Variants in PREX1 observed in about 807,000 individuals in gnomAD.
PREX1 encodes the protein phosphatidylinositol 3,4,5-trisphosphate-dependent Rac exchanger 1 protein.
In PREX1, 41 loss-of-function variants were observed where a neutral mutation model predicts 198.3. That is an observed-to-expected ratio of 0.21 (90% CI 0.16 to 0.27). PREX1 has a LOEUF of 0.27. Among genes scored for constraint, PREX1 ranks in the 10% least tolerant of loss-of-function variants. PREX1 has a pLI of 1.00. For synonymous variants in PREX1, 843 were observed against 887.2 expected (o/e 0.95, Z 0.89); for missense variants, 1,620 against 2,200.7 (o/e 0.74, Z 5.28).
intron 1 of PREX1, among the ~76,000 whole-genome samples, chr20:48,790,347 T>A (rs974929221): frequency 6.6e-6 from 1 of 151,796 alleles, no homozygotes; most frequent in Admixed American, 6.6e-5. Context: ...AGAAGCAACC[T>A]CAAGTTCCAC....
intron 1 of PREX1, among the ~76,000 whole-genome samples, chr20:48,807,287 T>C (rs114849321): frequency 0.012 from 1,772 of 152,296 alleles, 26 homozygotes; most frequent in African/African-American, 0.041. Context: ...TAAATACCCA[T>C]TGAGAGAGCC....
At chr20:48,720,391 T>A (rs928778886) in intron 5 of PREX1, among the ~76,000 whole-genome samples, 2 of 152,176 alleles carry the variant, frequency 1.3e-5, no homozygotes, top group African/African-American at 4.8e-5. Context: ...TTTGTTCACT[T>A]TGTACCTCTA....
At chr20:48,878,994 G>A in the PREX1 span, among the ~76,000 whole-genome samples, 124 of 152,310 alleles carry the variant, frequency 8.1e-4, no homozygotes, top group African/African-American at 2.6e-3. Flanking sequence ...AAAGCAGAGC[G>A]GTGAAGCAGG....
chr20:48,793,665 C>T (rs369014058), intron 1 of PREX1, among the ~76,000 whole-genome samples: 1 of 152,142 alleles, frequency 6.6e-6, no homozygotes, highest in South Asian at 2.1e-4. Context: ...AACCCTTGCT[C>T]GGGCAAATCA....
At chr20:48,826,825 C>CTCCA (rs1216674036) in intron 1 of PREX1, among the ~76,000 whole-genome samples, 4 of 152,142 alleles carry the variant, frequency 2.6e-5, no homozygotes, top group African/African-American at 9.7e-5. Context: ...CGCCACTGTA[C>CTCCA]TCCAGCCTGG....
At position 48,691,112 on chromosome 20, in the gene PREX1, G is replaced by A; in HGVS notation, c.1037-16C>T. On this transcript the variant is annotated splice_polypyrimidine_tract_variant and intron_variant, in intron 8 of 39. Coordinates refer to ENST00000371941, the MANE Select transcript of PREX1 (RefSeq NM_020820.4). The surrounding 1 kb of genome is among the most constrained non-coding windows in gnomAD (Gnocchi z 5.0). ...TGGTAATCCGCTGGTGGGGGCAGGA[G>A]GCAAAGGTGCAGCAGAGACTCAGCC... 6.2e-7 allele frequency: 1 copy of A among 1,614,152 alleles called. No individual in the cohort carries two copies. Among genetic ancestry groups the A allele is most frequent in the Non-Finnish European group, 8.5e-7 (1 of 1,180,002 alleles).
rs1214997464 is a variant in PREX1, at chr20:48,684,239, G to A, written c.1335-2904C>T. Among the ~76,000 whole-genome samples, 4 of 152,092 alleles carry A rather than the reference G, an allele frequency of 2.6e-5. No homozygotes were observed. The highest frequency in any genetic ancestry group is 2.1e-4 in the South Asian group (1 of 4,828). On this transcript the variant is annotated intron_variant, in intron 10 of 39. Transcript: ENST00000371941. The surrounding 1 kb of genome is among the most constrained non-coding windows in gnomAD (Gnocchi z 4.2). ...ATTCTGCAGTCTTCCTAAGAAAGCC[G>A]CCTGAGCTCAGGCCCAAGGTACCAC... is the stretch of plus-strand genomic sequence containing the variant.
chr20:48,811,120 A>T (rs1287842018), intron 1 of PREX1, among the ~76,000 whole-genome samples: 1 of 152,160 alleles, frequency 6.6e-6, no homozygotes, highest in Non-Finnish European at 1.5e-5. Context: ...AAGAAGCCAG[A>T]AATAATAGGT....
intron 32 of PREX1, among the ~76,000 whole-genome samples, chr20:48,635,776 C>T (rs1411707002): frequency 6.6e-6 from 1 of 152,250 alleles, no homozygotes; most frequent in Admixed American, 6.5e-5. Context: ...TTCAGGCCCC[C>T]AGCTCCCAGC....
At chr20:48,717,084 C>T (rs1486980188) in intron 5 of PREX1, among the ~76,000 whole-genome samples, 3 of 151,982 alleles carry the variant, frequency 2.0e-5, no homozygotes, top group Admixed American at 6.6e-5. Context: ...CACTGGCAAG[C>T]GAAATCATAA....
intron 6 of PREX1, among the ~76,000 whole-genome samples, chr20:48,702,498 C>A (rs920314007): frequency 6.6e-5 from 10 of 152,254 alleles, no homozygotes. Context: ...CATCTCCCAG[C>A]CCCCCTTGTG....
At chr20:48,878,506 A>AT in the PREX1 span, among the ~76,000 whole-genome samples, 2 of 151,714 alleles carry the variant, frequency 1.3e-5, no homozygotes, top group South Asian at 4.2e-4. Flanking sequence ...CACCCAGTTA[A>AT]TTTTTTGTAT....
chr20:48,667,198 A>T (rs922230605), intron 14 of PREX1, among the ~76,000 whole-genome samples: 2 of 152,194 alleles, frequency 1.3e-5, no homozygotes, highest in Non-Finnish European at 2.9e-5. Context: ...AGACACAGAG[A>T]GTGTGGTCCC....
At chr20:48,802,072 T>A (rs569704163) in intron 1 of PREX1, among the ~76,000 whole-genome samples, 1 of 152,280 alleles carries the variant, frequency 6.6e-6, no homozygotes, top group Admixed American at 6.5e-5. Context: ...CTTTATAAAT[T>A]ACCCAGCTTC....
chr20:48,777,802 C>G (rs368310870), intron 1 of PREX1, among the ~76,000 whole-genome samples: 25 of 152,300 alleles, frequency 1.6e-4, no homozygotes, highest in African/African-American at 5.5e-4. Flanking sequence ...GAACTAAGAA[C>G]AATGCCAAAA....
intron 1 of PREX1, among the ~76,000 whole-genome samples, chr20:48,769,495 T>C (rs1006163513): frequency 6.6e-5 from 10 of 152,158 alleles, no homozygotes; most frequent in African/African-American, 2.4e-4. Flanking sequence ...GCATGTTGCC[T>C]TTCTGCTTAA....
intron 6 of PREX1, among the ~76,000 whole-genome samples, chr20:48,701,143 C>T (rs1031845727): frequency 6.6e-6 from 1 of 152,150 alleles, no homozygotes; most frequent in Non-Finnish European, 1.5e-5. Flanking sequence ...GGAGGAGTGA[C>T]TCACCCAGCT....
intron 14 of PREX1, among the ~76,000 whole-genome samples, chr20:48,672,519 G>A (rs1183165154): frequency 2.0e-5 from 3 of 152,244 alleles, no homozygotes; most frequent in Admixed American, 6.5e-5. Flanking sequence ...TGTACTCCGA[G>A]CCGGGCAGGG....
Position 48,690,937 on chromosome 20 carries a change from TGCTGCTCACTCTCGC to T in PREX1, c.1181_1186+9del. 1.9e-6 allele frequency: 3 copies of T among 1,613,578 alleles called. No homozygotes were observed. The South Asian group carries it at 3.3e-5, about 18-fold the overall frequency. On this transcript the variant is annotated splice_donor_variant and splice_donor_5th_base_variant and coding_sequence_variant and intron_variant, in exon 9 of 40. Coordinates refer to ENST00000371941, the MANE Select transcript of PREX1 (RefSeq NM_020820.4). LOFTEE classifies it high-confidence loss of function. ...GGATCCCAGGCGAGCACCCCAAAGC[TGCTGCTCACTCTCGC>T]GCTGCTCCCGCTCGCGGATGATGGC...
Sources: gnomAD v4.1 joint callset for allele counts (sites outside exome capture counted in the v4.1 genomes callset) on GRCh38, gnomAD v4.1.1 for gene constraint, Gnocchi (gnomAD v3.1) non-coding constraint, MANE v1.5 for transcripts, NCBI Gene and HGNC (gene_info 2026-07-23, HGNC 2026-07-21) for gene names.